The following SLC14A2 variants were observed in gnomAD, a reference collection of about 807,000 sequenced individuals.
The protein encoded by SLC14A2 is solute carrier family 14 member 2.
SLC14A2 carries 91 observed loss-of-function variants against 104.6 expected under a neutral mutation model. The ratio of observed to expected loss-of-function variants is 0.87; its 90% CI spans 0.73 to 1.04. SLC14A2 has a LOEUF of 1.04. SLC14A2 is among the 50% of genes least tolerant of loss of function. The pLI is 0.00. For synonymous variants in SLC14A2, 476 were observed against 466.4 expected (o/e 1.02, Z -0.27); for missense variants, 1,189 against 1,156.0 (o/e 1.03, Z -0.41).
intron 1 of SLC14A2, among the ~76,000 whole-genome samples, chr18:45,244,344 G>A (rs934655252): frequency 6.6e-6 from 1 of 152,006 alleles, no homozygotes; most frequent in Non-Finnish European, 1.5e-5. Context: ...GAGGGGGGTG[G>A]TGCTGGGCGC....
At chr18:45,539,588 C>T (rs933115623) in intron 2 of SLC14A2, among the ~76,000 whole-genome samples, 5 of 152,202 alleles carry the variant, frequency 3.3e-5, no homozygotes, top group Non-Finnish European at 7.4e-5. Context: ...GGAGCCCAGG[C>T]AGGCAGCCCC....
rs77935584 is a variant in SLC14A2, at chr18:45,642,492, G to A, written c.1127-640G>A. 8.5e-5 allele frequency among the ~76,000 whole-genome samples: 13 copies of A among 152,326 alleles called. No homozygotes were observed. In the East Asian group the frequency reaches 2.5e-3, roughly 29 times the overall value. ...TAGGATCTGAGTTGACAAAGAGAGA[G>A]GGAAGAGGTGTTCCGGACAGAGAAG... On this transcript the variant is annotated intron_variant, in intron 8 of 19. Coordinates refer to ENST00000255226, the MANE Select transcript of SLC14A2 (RefSeq NM_007163.4).
At chr18:45,182,799 A>G in the SLC14A2 span, among the ~76,000 whole-genome samples, 1 of 152,212 alleles carries the variant, frequency 6.6e-6, no homozygotes, top group Admixed American at 6.5e-5. Flanking sequence ...TACATGAGAA[A>G]TATGCTACAT....
At chr18:45,469,787 A>T (rs1257235481) in intron 1 of SLC14A2, among the ~76,000 whole-genome samples, 2 of 152,180 alleles carry the variant, frequency 1.3e-5, no homozygotes, top group Non-Finnish European at 2.9e-5. Flanking sequence ...GAGGTGTGAA[A>T]AGGAAAGCTC....
At chr18:45,556,722 A>G (rs1440709516) in intron 2 of SLC14A2, among the ~76,000 whole-genome samples, 1 of 152,238 alleles carries the variant, frequency 6.6e-6, no homozygotes, top group Non-Finnish European at 1.5e-5. Flanking sequence ...ATTTATATTT[A>G]TCTACCTATG....
At chr18:45,500,305 C>T (rs925234486) in intron 2 of SLC14A2, among the ~76,000 whole-genome samples, 1 of 151,760 alleles carries the variant, frequency 6.6e-6, no homozygotes, top group Non-Finnish European at 1.5e-5. Flanking sequence ...AGGCCGGGCG[C>T]GGTGGCTCAC....
chr18:45,675,976 T>C (rs1424651505), intron 18 of SLC14A2, among the ~76,000 whole-genome samples: 2 of 152,002 alleles, frequency 1.3e-5, no homozygotes, highest in African/African-American at 4.8e-5. Context: ...TGGAATTAAA[T>C]GTCACTGTGA....
intron 1 of SLC14A2, among the ~76,000 whole-genome samples, chr18:45,397,132 G>T (rs771167441): frequency 1.3e-5 from 2 of 152,154 alleles, no homozygotes; most frequent in African/African-American, 2.4e-5. Context: ...ACATTTATGT[G>T]CATGTGACTT....
At chr18:45,371,409 CAAT>C (rs993972005) in intron 1 of SLC14A2, among the ~76,000 whole-genome samples, 9 of 151,182 alleles carry the variant, frequency 6.0e-5, no homozygotes, top group African/African-American at 2.0e-4. Flanking sequence ...CCATTAATAA[CAAT>C]AATAATAAAA....
chr18:45,290,554 G>T (rs1320847010), intron 1 of SLC14A2, among the ~76,000 whole-genome samples: 1 of 152,168 alleles, frequency 6.6e-6, no homozygotes, highest in Non-Finnish European at 1.5e-5. Flanking sequence ...TTAGGGCTGT[G>T]CTGTTCAACA....
upstream of SLC14A2, among the ~76,000 whole-genome samples, chr18:45,208,209 G>T (rs966181827): frequency 1.3e-5 from 2 of 152,174 alleles, no homozygotes; most frequent in Non-Finnish European, 2.9e-5. Context: ...TGGGCTTGGA[G>T]ATCTAGAATT....
chr18:45,574,795 C>T (rs1400231656), intron 2 of SLC14A2, among the ~76,000 whole-genome samples: 1 of 152,206 alleles, frequency 6.6e-6, no homozygotes, highest in Non-Finnish European at 1.5e-5. Context: ...AGCTGGAGGC[C>T]TCTGGCCTAT....
intron 4 of SLC14A2, among the ~76,000 whole-genome samples, chr18:45,630,238 G>A (rs1487172729): frequency 6.6e-6 from 1 of 152,096 alleles, no homozygotes; most frequent in African/African-American, 2.4e-5. Flanking sequence ...TGCATCATAG[G>A]CTCAAAGCTC....
upstream of SLC14A2, among the ~76,000 whole-genome samples, chr18:45,612,793 G>C (rs2044993545): frequency 6.6e-6 from 1 of 152,150 alleles, no homozygotes; most frequent in Non-Finnish European, 1.5e-5. Context: ...CTGGATCATG[G>C]GGGCAGCTTC....
chr18:45,170,816 G>A, the SLC14A2 span, among the ~76,000 whole-genome samples: 27 of 152,162 alleles, frequency 1.8e-4, no homozygotes, highest in Non-Finnish European at 3.5e-4. Flanking sequence ...GGCGGCCCAT[G>A]TTTTGATAAC....
At chr18:45,332,956 A>G (rs935018545) in intron 1 of SLC14A2, among the ~76,000 whole-genome samples, 2 of 152,296 alleles carry the variant, frequency 1.3e-5, no homozygotes, top group African/African-American at 2.4e-5. Flanking sequence ...TAGTCTTTCT[A>G]TTTCAAAGTT....
chr18:45,537,190 C>A (rs2043806467), intron 2 of SLC14A2, among the ~76,000 whole-genome samples: 2 of 151,744 alleles, frequency 1.3e-5, no homozygotes, highest in South Asian at 4.2e-4. Flanking sequence ...ACAAAAGCAA[C>A]AACAACAAAA....
At chr18:45,618,472 C>A (rs1330232773) in intron 1 of SLC14A2, among the ~76,000 whole-genome samples, 1 of 151,826 alleles carries the variant, frequency 6.6e-6, no homozygotes, top group Non-Finnish European at 1.5e-5. Context: ...AGTTCAGGAC[C>A]AGCCTGGCCA....
Position 45,486,362 on chromosome 18 carries a change from CTT to C in SLC14A2, c.-35+3051_-35+3052del, listed in dbSNP as rs111685052. Among the ~76,000 whole-genome samples, 11 of 145,084 alleles carry C rather than the reference CTT, an allele frequency of 7.6e-5. No individual in the cohort carries two copies. In the East Asian group the frequency reaches 1.8e-3, roughly 24 times the overall value. ...CTCCTGACAAAATTCAGGCTAGGGA[CTT>C]TTTTTTTTTTAATCTGAAAAGTGGT... On this transcript the variant is annotated intron_variant, in intron 2 of 20. Transcript: ENST00000586448.
Sources: gnomAD v4.1 joint callset for allele counts (sites outside exome capture counted in the v4.1 genomes callset) on GRCh38, gnomAD v4.1.1 for gene constraint, MANE v1.5 for transcripts, NCBI Gene and HGNC (gene_info 2026-07-23, HGNC 2026-07-21) for gene names.